The following SP3 variants were observed in gnomAD, a reference collection of about 807,000 sequenced individuals.
SP3 encodes transcription factor Sp3.
Under a neutral mutation model 70.3 loss-of-function variants are expected in SP3, and 10 were observed. The ratio of observed to expected loss-of-function variants is 0.14; its 90% CI spans 0.09 to 0.24. SP3 has a LOEUF of 0.24. Ranked by LOEUF, SP3 falls within the 10% of genes least tolerant of loss-of-function variation. The pLI, the probability that SP3 is intolerant of heterozygous loss-of-function variation, is 1.00. For missense variants in SP3, 825 were observed against 914.6 expected, an observed-to-expected ratio of 0.90 and a Z score of 1.26; for synonymous variants, 402 against 333.5, an observed-to-expected ratio of 1.21 and a Z score of -2.24.
At chr2:173,952,197 A>G (rs1359259953) in intron 4 of SP3, among the ~76,000 whole-genome samples, 3 of 151,970 alleles carry the variant, frequency 2.0e-5, no homozygotes, top group Admixed American at 2.0e-4. Flanking sequence ...GTATTTGATG[A>G]AAATAGCATC....
rs958143653 is a variant in SP3 at position 173,907,262 on chromosome 2, A to T, written c.*2679T>A. On this transcript the variant is annotated 3_prime_UTR_variant, in exon 7 of 7. Transcript: ENST00000310015. ...ACTAACTCTAGCCTTTACAAAAATA[A>T]AGCAATTGACAAAACACCTATTAGA... The T allele has an allele frequency of 2.0e-5, 3 of 152,196 alleles. No homozygotes were observed. The highest frequency in any genetic ancestry group is 7.2e-5 in the African/African-American group (3 of 41,462). The allele number at this position is 152,196 out of a possible 1,614,324, so 9.4% of individuals were successfully genotyped here. A position where few individuals can be genotyped will look rare whatever the true frequency, so the allele number is the denominator to read the frequency against.
At chr2:173,964,845 T>C in intron 1 of SP3, 1 of 476,952 alleles carries the variant, frequency 2.1e-6, no homozygotes, top group Non-Finnish European at 3.7e-6. Context: ...CGCCGCTCGC[T>C]CTCACTCGCG....
At chr2:173,959,013 C>G (rs1047934268) in intron 3 of SP3, among the ~76,000 whole-genome samples, 1 of 152,110 alleles carries the variant, frequency 6.6e-6, no homozygotes, top group African/African-American at 2.4e-5. Flanking sequence ...TAAAATTAGC[C>G]TAGCACAATT....
intron 5 of SP3, chr2:173,916,377 G>A (rs1288246272): frequency 1.3e-5 from 2 of 152,004 alleles, no homozygotes; most frequent in African/African-American, 4.8e-5. Flanking sequence ...TTTGCAAGGT[G>A]TAAGTGATGG....
At chr2:173,964,885 C>T (rs532564246) in intron 1 of SP3, 3 of 507,782 alleles carry the variant, frequency 5.9e-6, no homozygotes, top group African/African-American at 4.1e-5. Context: ...CAGTCACTCA[C>T]ACACGCCCGC....
chr2:173,930,516 A>G (rs1690038372), intron 4 of SP3, among the ~76,000 whole-genome samples: 2 of 152,194 alleles, frequency 1.3e-5, no homozygotes, highest in South Asian at 4.1e-4. Flanking sequence ...CTAACCAATT[A>G]TTTTCTAGCT....
At chr2:173,933,682 A>C (rs1037056026) in intron 4 of SP3, among the ~76,000 whole-genome samples, 1 of 140,816 alleles carries the variant, frequency 7.1e-6, no homozygotes, top group Admixed American at 7.1e-5. Flanking sequence ...AAAAGTTATA[A>C]AGTAACATTT....
At chr2:173,951,312 C>T (rs6433456) in intron 4 of SP3, among the ~76,000 whole-genome samples, 101,813 of 152,094 alleles carry the variant, frequency 0.67, 34,603 homozygotes, top group African/African-American at 0.78. Flanking sequence ...CAAACTTACA[C>T]ATTACTGACG....
chr2:173,953,776 A>C (rs1467953617), intron 4 of SP3, among the ~76,000 whole-genome samples: 1 of 97,046 alleles, frequency 1.0e-5, no homozygotes, highest in Non-Finnish European at 2.1e-5. Flanking sequence ...TCAAAAAACA[A>C]AACAAAACAA....
rs1491180924 is a variant in SP3 at position 173,933,639 on chromosome 2, T to TATATAC, written c.1640-14855_1640-14854insGTATAT. ...CAAATGACTAACATTTATAAAACTTTATATATATATATATATATATATATA... is the reference window on the plus strand; with the variant it reads ...CAAATGACTAACATTTATAAAACTTTATATACATATATATATATATATATATATATA... On this transcript the variant is annotated intron_variant, in intron 4 of 6. Coordinates refer to ENST00000310015, the MANE Select transcript of SP3 (RefSeq NM_003111.5). Among the ~76,000 whole-genome samples the TATATAC allele has an allele frequency of 2.2e-3, 35 of 15,560 alleles. 1 individual carries two copies. Among genetic ancestry groups the TATATAC allele is most frequent in the South Asian group, 9.0e-3 (4 of 446 alleles). 10.2% of individuals were successfully genotyped at this position (15,560 alleles called of 152,430 possible). A position where few individuals can be genotyped will look rare whatever the true frequency, so the allele number is the denominator to read the frequency against.
At chr2:173,928,301 C>T (rs1484832941) in intron 4 of SP3, among the ~76,000 whole-genome samples, 1 of 152,144 alleles carries the variant, frequency 6.6e-6, no homozygotes, top group African/African-American at 2.4e-5. Context: ...GAGAAGAGGG[C>T]CCCAGGCCCT....
intron 4 of SP3, among the ~76,000 whole-genome samples, chr2:173,949,239 G>C (rs1261357391): frequency 6.6e-6 from 1 of 151,808 alleles, no homozygotes; most frequent in Non-Finnish European, 1.5e-5. Context: ...TGATCCCTTA[G>C]GTAAAATCAG....
At chr2:173,911,757 ATC>A (rs902951967) in intron 6 of SP3, among the ~76,000 whole-genome samples, 6 of 149,626 alleles carry the variant, frequency 4.0e-5, no homozygotes, top group South Asian at 2.1e-4. Flanking sequence ...AGCAGTAATT[ATC>A]TCTGTTTCTG....
intron 4 of SP3, among the ~76,000 whole-genome samples, chr2:173,945,530 T>C (rs571989774): frequency 6.6e-6 from 1 of 152,234 alleles, no homozygotes; most frequent in East Asian, 1.9e-4. Flanking sequence ...ATGTATACAG[T>C]ATACAAGAAG....
At position 173,965,043 on chromosome 2, in the gene SP3, T is replaced by C. The variant is rs1189258936; in HGVS notation, c.7+122A>G. The C allele has an allele frequency of 2.3e-6, 3 of 1,333,034 alleles. No individual in the cohort carries two copies. The East Asian group carries it at 7.8e-5, about 35-fold the overall frequency. 82.6% of individuals were successfully genotyped at this position (1,333,034 alleles called of 1,614,324 possible). On this transcript the variant is annotated intron_variant, in intron 1 of 6. Transcript: ENST00000310015. The stretch of plus-strand genomic sequence containing the variant: ...GCGCAGGGGAGTGCAGCTTTCTGCC[T>C]CTCACAGACACTCGGTCGCACACAC...
intron 4 of SP3, among the ~76,000 whole-genome samples, chr2:173,934,404 A>G (rs1468659354): frequency 6.6e-6 from 1 of 152,206 alleles, no homozygotes; most frequent in African/African-American, 2.4e-5. Flanking sequence ...TGTTGAAACA[A>G]GTATAGGCTG....
At chr2:173,954,395 T>A (rs1690813581) in intron 4 of SP3, among the ~76,000 whole-genome samples, 1 of 152,168 alleles carries the variant, frequency 6.6e-6, no homozygotes, top group Non-Finnish European at 1.5e-5. Context: ...ACAAGGAAAC[T>A]GAGTTTGCGA....
chr2:173,924,372 A>T lies in SP3; in HGVS notation c.1640-5587T>A, dbSNP rs577400977. Among the ~76,000 whole-genome samples, 13 of 152,350 alleles carry T rather than the reference A, an allele frequency of 8.5e-5. No individual in the cohort carries two copies. In the South Asian group the frequency reaches 2.7e-3, roughly 32 times the overall value. ...GTCTTACCACAAATATGTGAGAAAA[A>T]GATGATGTGACCTGTAATTAGTAAA... On this transcript the variant is annotated intron_variant, in intron 4 of 6. Coordinates refer to ENST00000310015, the MANE Select transcript of SP3 (RefSeq NM_003111.5).
intron 5 of SP3, chr2:173,914,289 T>C (rs1689570397): frequency 6.6e-6 from 1 of 152,136 alleles, no homozygotes; most frequent in Non-Finnish European, 1.5e-5. Flanking sequence ...TTTAAAAAAG[T>C]ACATTTAGCC....
Sources: allele counts gnomAD v4.1 joint callset (sites outside exome capture counted in the v4.1 genomes callset), GRCh38; gene constraint gnomAD v4.1.1; transcripts MANE v1.5; gene names NCBI Gene and HGNC (gene_info 2026-07-23, HGNC 2026-07-21).